Variants in ABCA1 observed in about 807,000 individuals in gnomAD.
ABCA1 encodes phospholipid-transporting ATPase ABCA1.
In ABCA1, 133 loss-of-function variants were observed where a neutral mutation model predicts 262.5. That is an observed-to-expected ratio of 0.51 (90% CI 0.44 to 0.59). The LOEUF is 0.59. Ranked by LOEUF, ABCA1 falls within the 20% of genes least tolerant of loss-of-function variation. The pLI is 0.00. For synonymous variants in ABCA1, 1,022 were observed against 1,043.5 expected (o/e 0.98, Z 0.40); for missense variants, 2,452 against 2,777.5 (o/e 0.88, Z 2.63).
At chr9:104,802,206 T>G (rs780826033) in intron 33 of ABCA1, 47 bp from the exon 34 acceptor site, 2 of 1,515,086 alleles carry the variant, frequency 1.3e-6, no homozygotes, top group Non-Finnish European at 1.8e-6. Flanking sequence ...GGGTGCACAG[T>G]ATCATCAGCA....
At position 104,814,075 on chromosome 9, in the gene ABCA1, ACATT is replaced by A. The variant is rs1228203233; in HGVS notation, c.3901+39_3901+42del. The A allele has an allele frequency of 3.8e-6, 6 of 1,587,538 alleles. 1 individual carries two copies. In the South Asian group the frequency reaches 4.4e-5, roughly 12 times the overall value. Reference sequence around the variant, plus strand: ...AGGTGAGAGCATGAGAGAGAATTTCACATTCAAACAGTAGGACACTGTTTGATCT... The same window carrying A: ...AGGTGAGAGCATGAGAGAGAATTTCACAAACAGTAGGACACTGTTTGATCT... On this transcript the variant is annotated intron_variant, in intron 27 of 49. Coordinates refer to ENST00000374736, the MANE Select transcript of ABCA1 (RefSeq NM_005502.4).
At chr9:104,853,372 CCA>C (rs200523782) in intron 7 of ABCA1, among the ~76,000 whole-genome samples, 1,656 of 152,304 alleles carry the variant, frequency 0.011, 29 homozygotes, top group African/African-American at 0.038. Flanking sequence ...CCACTACAGC[CCA>C]CAGTGTCTGT....
rs367752843 is a variant in ABCA1 at position 104,869,079 on chromosome 9, G to C, written c.422-7279C>G. 8.0e-4 allele frequency among the ~76,000 whole-genome samples: 122 copies of C among 152,172 alleles called. 1 individual carries two copies. The highest frequency in any genetic ancestry group is 2.8e-3 in the African/African-American group (118 of 41,522). On this transcript the variant is annotated intron_variant, in intron 5 of 49. Coordinates refer to ENST00000374736, the MANE Select transcript of ABCA1 (RefSeq NM_005502.4). ...GGGAGAGCAGCTCAGGAAGGCGGAG[G>C]AGGAAAGCCCTTTGCTGAGCTGAGC... is the stretch of plus-strand genomic sequence containing the variant.
At chr9:104,798,632 T>C (rs1830091542) in intron 36 of ABCA1, 34 bp from the exon 37 acceptor site, 25 of 1,598,272 alleles carry the variant, frequency 1.6e-5, no homozygotes, top group Non-Finnish European at 2.1e-5. Flanking sequence ...ATCTGAGGGG[T>C]CTTTGATGCA....
At chr9:104,918,321 C>A (rs1841957655) in intron 1 of ABCA1, among the ~76,000 whole-genome samples, 1 of 152,158 alleles carries the variant, frequency 6.6e-6, no homozygotes, top group East Asian at 1.9e-4. Context: ...GGTACCAAAC[C>A]ATACTATATG....
chr9:104,911,288 T>C (rs866963997), intron 1 of ABCA1, among the ~76,000 whole-genome samples: 2 of 152,178 alleles, frequency 1.3e-5, no homozygotes, highest in African/African-American at 2.4e-5. Flanking sequence ...CACAGGGTCC[T>C]ATAATATTAG....
intron 9 of ABCA1, among the ~76,000 whole-genome samples, chr9:104,838,244 A>C (rs1414709483): frequency 1.3e-5 from 2 of 151,004 alleles, no homozygotes; most frequent in African/African-American, 2.4e-5. Flanking sequence ...CAGAGGTTGC[A>C]GTGAGCCGAG....
At chr9:104,868,275 C>T (rs1837267448) in intron 5 of ABCA1, among the ~76,000 whole-genome samples, 1 of 152,142 alleles carries the variant, frequency 6.6e-6, no homozygotes, top group Non-Finnish European at 1.5e-5. Context: ...AGGAGAATTG[C>T]TTGGAGGCAG....
chr9:104,868,475 C>T (rs990648756), intron 5 of ABCA1, among the ~76,000 whole-genome samples: 1 of 152,206 alleles, frequency 6.6e-6, no homozygotes, highest in Non-Finnish European at 1.5e-5. Flanking sequence ...AGTGTTCGCT[C>T]GGGTAACTGG....
In ABCA1 at chr9:104,816,142, C is replaced by A. The variant is rs796051872; in HGVS notation, c.3738+1G>T. 2 of 1,614,084 alleles carry A rather than the reference C, an allele frequency of 1.2e-6. No individual in the cohort carries two copies. Among genetic ancestry groups the A allele is most frequent in the African/African-American group, 2.7e-5 (2 of 74,920 alleles). On this transcript the variant is annotated splice_donor_variant, in intron 25 of 49. Coordinates refer to ENST00000374736, the MANE Select transcript of ABCA1 (RefSeq NM_005502.4). LOFTEE classifies it high-confidence loss of function. ...TTCCGACAGTCAGCCACTTAACTTA[C>A]TTCTTCCAGGGTCGTCTCTGAGATG...
intron 7 of ABCA1, among the ~76,000 whole-genome samples, chr9:104,849,324 G>A (rs1835176638): frequency 6.6e-6 from 1 of 152,084 alleles, no homozygotes; most frequent in African/African-American, 2.4e-5. Flanking sequence ...CAAATTCAAT[G>A]CCATATCTTA....
At chr9:104,820,148 A>C in intron 20 of ABCA1, 79 bp from the exon 21 acceptor site, 1 of 1,550,184 alleles carries the variant, frequency 6.5e-7, no homozygotes, top group Non-Finnish European at 8.9e-7. Context: ...AGAACAGATG[A>C]GAATGGGCAT....
intron 7 of ABCA1, among the ~76,000 whole-genome samples, chr9:104,851,468 C>T (rs2119072742): frequency 6.6e-6 from 1 of 152,264 alleles, no homozygotes; most frequent in Admixed American, 6.5e-5. Flanking sequence ...GGTACAGTTC[C>T]CCTAAATGCC....
chr9:104,876,900 G>A (rs1318307924), intron 5 of ABCA1, among the ~76,000 whole-genome samples: 1 of 152,166 alleles, frequency 6.6e-6, no homozygotes, highest in African/African-American at 2.4e-5. Context: ...GCAGGTGGGG[G>A]CCTGAGGCTG....
At chr9:104,811,067 T>C in intron 28 of ABCA1, 143 bp from the exon 29 acceptor site, 2 of 1,264,674 alleles carry the variant, frequency 1.6e-6, no homozygotes, top group Non-Finnish European at 2.2e-6. Context: ...CCTATGACTG[T>C]GCTGCACCAA....
At chr9:104,886,608 T>G (rs1211263068) in intron 3 of ABCA1, among the ~76,000 whole-genome samples, 2 of 152,204 alleles carry the variant, frequency 1.3e-5, no homozygotes, top group Non-Finnish European at 2.9e-5. Context: ...ACTGGCACTG[T>G]AGACAGACTG....
chr9:104,914,094 C>G (rs1211788053), intron 1 of ABCA1, among the ~76,000 whole-genome samples: 2 of 151,922 alleles, frequency 1.3e-5, no homozygotes, highest in Admixed American at 1.3e-4. Context: ...CCACCGCACC[C>G]GGCCCCCTAC....
At chr9:104,903,810 T>C (rs544968709) in intron 1 of ABCA1, 39 bp from the exon 2 acceptor site, 23 of 860,656 alleles carry the variant, frequency 2.7e-5, no homozygotes, top group African/African-American at 1.7e-4. Flanking sequence ...CCATCAGTTA[T>C]TGCTGCAAAG....
At chr9:104,926,544 C>G (rs1342818951) in intron 1 of ABCA1, among the ~76,000 whole-genome samples, 1 of 152,140 alleles carries the variant, frequency 6.6e-6, no homozygotes, top group African/African-American at 2.4e-5. Context: ...CGGTCTTCAC[C>G]GGATTCACAG....
Sources: gnomAD v4.1 joint callset for allele counts (sites outside exome capture counted in the v4.1 genomes callset) on GRCh38, gnomAD v4.1.1 for gene constraint, MANE v1.5 for transcripts, NCBI Gene and HGNC (gene_info 2026-07-23, HGNC 2026-07-21) for gene names.